Variants in STX17 observed in about 807,000 individuals in gnomAD.
STX17 encodes the protein syntaxin-17.
A neutral mutation model predicts 35.9 loss-of-function variants in STX17; 29 were observed. That is an observed-to-expected ratio of 0.81 (90% confidence interval 0.60 to 1.10). The LOEUF is 1.10. Ranked by LOEUF, STX17 falls within the 50% of genes least tolerant of loss-of-function variation. STX17 has a pLI of 0.00. For synonymous variants in STX17, 92 were observed against 118.3 expected (o/e 0.78, Z 1.44); for missense variants, 312 against 352.3 (o/e 0.89, Z 0.92).
intron 3 of STX17, among the ~76,000 whole-genome samples, chr9:99,950,173 A>G (rs184168868): frequency 1.9e-4 from 29 of 152,096 alleles, no homozygotes; most frequent in African/African-American, 6.5e-4. Flanking sequence ...AAGGAAAATC[A>G]TTTGATAAAA....
rs1294561543 is a variant in STX17, at chr9:99,969,285, TCCTCTG to T, written c.*618_*623del. ...AAAAATCTTCTGGCTTCTGAACTCT[TCCTCTG>T]CCTCTCTTTAAATAAATAACACAGA... On this transcript the variant is annotated 3_prime_UTR_variant, in exon 8 of 8. Coordinates refer to ENST00000259400, the MANE Select transcript of STX17 (RefSeq NM_017919.3). The T allele has an allele frequency of 6.6e-6, 1 of 152,182 alleles. No individual in the cohort carries two copies. Among genetic ancestry groups the T allele is most frequent in the East Asian group, 1.9e-4 (1 of 5,192 alleles). The allele number at this position is 152,182 out of a possible 1,614,324, so 9.4% of individuals were successfully genotyped here.
intron 4 of STX17, among the ~76,000 whole-genome samples, chr9:99,957,300 C>T (rs917347196): frequency 6.6e-6 from 1 of 152,212 alleles, no homozygotes; most frequent in Non-Finnish European, 1.5e-5. Flanking sequence ...TCGGAAGTCT[C>T]ATAAAATACT....
At chr9:99,916,206 G>C (rs1828766337) in intron 2 of STX17, 3 of 388,808 alleles carry the variant, frequency 7.7e-6, no homozygotes, top group Non-Finnish European at 1.5e-5. Context: ...GACTATGATA[G>C]AGGTTGCATA....
chr9:99,955,259 C>A (rs1282091318), intron 4 of STX17, among the ~76,000 whole-genome samples: 1 of 151,894 alleles, frequency 6.6e-6, no homozygotes, highest in Non-Finnish European at 1.5e-5. Context: ...TTCAGACCAG[C>A]GTATTGAATT....
intron 4 of STX17, among the ~76,000 whole-genome samples, chr9:99,956,821 G>A (rs932545370): frequency 6.6e-6 from 1 of 152,206 alleles, no homozygotes; most frequent in African/African-American, 2.4e-5. Flanking sequence ...GAGAGGTAAA[G>A]CATTCATAGG....
intron 6 of STX17, among the ~76,000 whole-genome samples, chr9:99,964,625 C>CA (rs1250111137): frequency 6.6e-6 from 1 of 152,012 alleles, no homozygotes; most frequent in Non-Finnish European, 1.5e-5. Flanking sequence ...AAATCAGAAG[C>CA]AAAACCTCAG....
intron 2 of STX17, among the ~76,000 whole-genome samples, chr9:99,918,945 G>A (rs1245301249): frequency 6.6e-6 from 1 of 152,128 alleles, no homozygotes; most frequent in Non-Finnish European, 1.5e-5. Context: ...TTTTAAGCCA[G>A]GGGAAGGAAA....
chr9:99,961,159 C>G (rs1311046277), intron 6 of STX17, among the ~76,000 whole-genome samples: 1 of 152,172 alleles, frequency 6.6e-6, no homozygotes, highest in African/African-American at 2.4e-5. Flanking sequence ...TTGAACTTTA[C>G]TTTGTGGGCA....
intron 3 of STX17, among the ~76,000 whole-genome samples, chr9:99,944,549 T>C (rs1382813188): frequency 6.6e-6 from 1 of 151,760 alleles, no homozygotes; most frequent in East Asian, 1.9e-4. Context: ...AGTTTCACTC[T>C]TGTTGCCCAG....
rs1829793583 is a variant in STX17, at chr9:99,959,937, G to A, written c.436G>A (p.Ala146Thr). 6.2e-7 allele frequency: 1 copy of A among 1,613,298 alleles called. No homozygotes were observed. The highest frequency in any genetic ancestry group is 8.5e-7 in the Non-Finnish European group (1 of 1,179,734). The change falls in exon 5 of 8, where the codon GCT becomes ACT. Residue 146 changes from alanine to threonine, a missense_variant. Ala to Thr is a moderately conservative substitution (Grantham distance 58). Transcript: ENST00000259400. Reference sequence around the variant, plus strand: ...TCCAGGAGCATTTCATACTACTGAAGCTGAAGCTAGTTCTCAGAGTTTGAC... The same window carrying A: ...TCCAGGAGCATTTCATACTACTGAAACTGAAGCTAGTTCTCAGAGTTTGAC... ...TVGGAFHTTE[A>T]EASSQSLTQI... is the part of the protein sequence containing the mutation.
intron 6 of STX17, among the ~76,000 whole-genome samples, chr9:99,966,261 T>G (rs1294080433): frequency 1.3e-5 from 2 of 152,242 alleles, no homozygotes; most frequent in African/African-American, 4.8e-5. Context: ...TAAGGGACTT[T>G]CTTAGGCATT....
chr9:99,950,245 C>A (rs1004505543), intron 3 of STX17, among the ~76,000 whole-genome samples: 9 of 151,812 alleles, frequency 5.9e-5, no homozygotes, highest in African/African-American at 2.2e-4. Flanking sequence ...ACATGCAGGA[C>A]TGGCAGCATG....
chr9:99,961,644 T>G (rs1318358285), intron 6 of STX17, among the ~76,000 whole-genome samples: 2 of 152,096 alleles, frequency 1.3e-5, no homozygotes, highest in Admixed American at 6.6e-5. Context: ...CTTGCAGTTC[T>G]GTCTAGGTTT....
At chr9:99,967,007 A>G (rs1448384733) in intron 6 of STX17, among the ~76,000 whole-genome samples, 3 of 152,226 alleles carry the variant, frequency 2.0e-5, no homozygotes, top group African/African-American at 4.8e-5. Context: ...AGAATGCTTT[A>G]TTAATATATT....
intron 4 of STX17, among the ~76,000 whole-genome samples, chr9:99,951,931 T>C (rs1041249428): frequency 6.6e-6 from 1 of 152,046 alleles, no homozygotes; most frequent in African/African-American, 2.4e-5. Context: ...GGGTATTCAA[T>C]GGAATAACTG....
intron 2 of STX17, among the ~76,000 whole-genome samples, chr9:99,922,079 C>T (rs1452597054): frequency 2.0e-5 from 3 of 152,134 alleles, no homozygotes; most frequent in African/African-American, 7.2e-5. Flanking sequence ...CTACTCAGCA[C>T]GTCCTGATGA....
At chr9:99,955,923 G>A (rs776922914) in intron 4 of STX17, among the ~76,000 whole-genome samples, 7 of 152,066 alleles carry the variant, frequency 4.6e-5, no homozygotes, top group African/African-American at 9.7e-5. Flanking sequence ...CTATCTCAGC[G>A]TTTTGCCTTA....
chr9:99,937,613 C>T (rs1372655922), intron 3 of STX17, among the ~76,000 whole-genome samples: 1 of 152,066 alleles, frequency 6.6e-6, no homozygotes, highest in Non-Finnish European at 1.5e-5. Context: ...TTTTTTATAT[C>T]TTCTGTGTCT....
At chr9:99,911,189 C>T (rs1828655694) in intron 1 of STX17, among the ~76,000 whole-genome samples, 1 of 152,118 alleles carries the variant, frequency 6.6e-6, no homozygotes, top group South Asian at 2.1e-4. Flanking sequence ...GTGCATGCCA[C>T]CACGCCTGGC....
Sources: allele counts gnomAD v4.1 joint callset (sites outside exome capture counted in the v4.1 genomes callset), GRCh38; gene constraint gnomAD v4.1.1; transcripts MANE v1.5; gene names NCBI Gene and HGNC (gene_info 2026-07-23, HGNC 2026-07-21).